Variants in RBM47 observed in about 807,000 individuals in gnomAD.
RBM47 encodes RNA binding motif protein 47, also known as RNA-binding protein 47.
Under a neutral mutation model 47.1 loss-of-function variants are expected in RBM47, and 21 were observed. That is an observed-to-expected ratio of 0.45 (90% CI 0.32 to 0.64). RBM47 has a LOEUF of 0.64. RBM47 is among the 30% of genes least tolerant of loss of function. The pLI is 0.05. For missense variants in RBM47, 708 were observed against 870.9 expected, an observed-to-expected ratio of 0.81 and a Z score of 2.35; for synonymous variants, 375 against 361.7, an observed-to-expected ratio of 1.04 and a Z score of -0.42.
intron 1 of RBM47, among the ~76,000 whole-genome samples, chr4:40,566,270 T>C (rs1424200835): frequency 6.6e-6 from 1 of 152,144 alleles, no homozygotes; most frequent in Non-Finnish European, 1.5e-5. Flanking sequence ...TGGGTGCTCA[T>C]TCTCACAATA....
At chr4:40,511,721 C>T (rs779758021) in intron 2 of RBM47, among the ~76,000 whole-genome samples, 2 of 151,978 alleles carry the variant, frequency 1.3e-5, no homozygotes, top group African/African-American at 2.4e-5. Flanking sequence ...TTCGGGAGGC[C>T]GAGGTGGGCA....
At chr4:40,471,594 A>C (rs920954025) in intron 2 of RBM47, among the ~76,000 whole-genome samples, 21 of 151,758 alleles carry the variant, frequency 1.4e-4, no homozygotes, top group African/African-American at 5.1e-4. Context: ...CTACTCAGGA[A>C]GCTGAGACAG....
chr4:40,545,809 C>T (rs939037155), intron 1 of RBM47, among the ~76,000 whole-genome samples: 4 of 152,096 alleles, frequency 2.6e-5, no homozygotes, highest in African/African-American at 7.2e-5. Context: ...CTACTGCTTG[C>T]TAGCTGGTTG....
rs1212280609 is a variant in RBM47, at chr4:40,438,103, T to G, written c.791A>C (p.Lys264Thr). 1.2e-5 allele frequency: 20 copies of G among 1,613,632 alleles called. No homozygotes were observed. The highest frequency in any genetic ancestry group is 1.6e-5 in the Non-Finnish European group (19 of 1,180,022). Residue 264 changes from lysine to threonine, a missense_variant, in exon 4 of 7, where the codon AAG becomes ACG. Lys to Thr is a moderately conservative substitution (Grantham distance 78). Coordinates refer to ENST00000295971, the MANE Select transcript of RBM47 (RefSeq NM_001098634.2). ...MIETTEDTIK[K>T]SFGQFNPGCV... Reference sequence around the variant, plus strand: ...GCCGGGGTTGAACTGGCCGAAGCTCTTCTTGATGGTGTCCTCGGTGGTCTC... The same window carrying G: ...GCCGGGGTTGAACTGGCCGAAGCTCGTCTTGATGGTGTCCTCGGTGGTCTC...
At chr4:40,507,431 T>C (rs1724263154) in intron 2 of RBM47, among the ~76,000 whole-genome samples, 1 of 152,194 alleles carries the variant, frequency 6.6e-6, no homozygotes, top group Admixed American at 6.6e-5. Context: ...AAATGAAAGT[T>C]TTTGAATATA....
At chr4:40,505,731 CA>C (rs527797923) in intron 2 of RBM47, among the ~76,000 whole-genome samples, 59 of 143,196 alleles carry the variant, frequency 4.1e-4, no homozygotes, top group South Asian at 4.4e-4. Flanking sequence ...ACTAAAAATA[CA>C]AAAAAAAAAA....
At chr4:40,585,566 T>C (rs577267411) in intron 1 of RBM47, among the ~76,000 whole-genome samples, 75 of 152,354 alleles carry the variant, frequency 4.9e-4, no homozygotes, top group African/African-American at 1.7e-3. Flanking sequence ...ACTAGCAGCC[T>C]TGATTAGCCA....
At chr4:40,466,777 G>C (rs1052926424) in intron 2 of RBM47, 78 bp from the exon 3 acceptor site, 1 of 112,096 alleles carries the variant, frequency 8.9e-6, no homozygotes, top group African/African-American at 3.2e-5. Flanking sequence ...AAATTGGGGG[G>C]GGGGGGGCAG....
chr4:40,588,042 G>C (rs1733762645), intron 1 of RBM47, among the ~76,000 whole-genome samples: 1 of 152,108 alleles, frequency 6.6e-6, no homozygotes, highest in South Asian at 2.1e-4. Flanking sequence ...CCAGTTCATG[G>C]GGCCCTGCAA....
At chr4:40,571,164 C>T (rs1731664828) in intron 1 of RBM47, among the ~76,000 whole-genome samples, 1 of 151,698 alleles carries the variant, frequency 6.6e-6, no homozygotes, top group South Asian at 2.1e-4. Flanking sequence ...TGCAGTGAGC[C>T]GAGATTGCAT....
intron 2 of RBM47, among the ~76,000 whole-genome samples, chr4:40,532,733 T>A (rs1257169421): frequency 1.3e-5 from 2 of 151,834 alleles, no homozygotes; most frequent in Non-Finnish European, 2.9e-5. Context: ...GGAGTCTAAT[T>A]AAAGGTCAGA....
chr4:40,611,876 A>T (rs980933108), intron 1 of RBM47, among the ~76,000 whole-genome samples: 2 of 152,250 alleles, frequency 1.3e-5, no homozygotes, highest in African/African-American at 4.8e-5. Context: ...TATCCAAGAT[A>T]TCATTGATTA....
chr4:40,615,925 C>T (rs1736677402), intron 1 of RBM47, among the ~76,000 whole-genome samples: 1 of 152,206 alleles, frequency 6.6e-6, no homozygotes, highest in Non-Finnish European at 1.5e-5. Flanking sequence ...CTCATGGGCT[C>T]CACTGGTGTT....
chr4:40,449,803 G>A (rs575668323), intron 3 of RBM47, among the ~76,000 whole-genome samples: 13 of 152,142 alleles, frequency 8.5e-5, no homozygotes, highest in Admixed American at 6.6e-4. Flanking sequence ...CTCAGCCTCC[G>A]GAGTAGTTAG....
In RBM47 at chr4:40,462,727, C is replaced by T. The variant is rs142616886; in HGVS notation, c.-32+3850G>A. ...TTAACTGCTTGATACAGGCTTTCAC[C>T]GAGATTTGGTGGGAATCAAAAGTAC... On this transcript the variant is annotated intron_variant, in intron 3 of 6. Coordinates refer to ENST00000295971, the MANE Select transcript of RBM47 (RefSeq NM_001098634.2). Among the ~76,000 whole-genome samples, 424 of 152,042 alleles carry T rather than the reference C, an allele frequency of 2.8e-3. 5 individuals carry two copies. The highest frequency in any genetic ancestry group is 0.025 in the Admixed American group (381 of 15,260).
chr4:40,588,262 A>C (rs767484938), intron 1 of RBM47, among the ~76,000 whole-genome samples: 12 of 152,342 alleles, frequency 7.9e-5, no homozygotes, highest in Admixed American at 1.3e-4. Flanking sequence ...TTTGGGGGGA[A>C]CATTCCAGCT....
intron 6 of RBM47, among the ~76,000 whole-genome samples, chr4:40,426,491 A>T (rs950393742): frequency 4.6e-5 from 7 of 152,268 alleles, no homozygotes; most frequent in Non-Finnish European, 7.4e-5. Context: ...TCCCTGAGAG[A>T]AAATGGCGTA....
chr4:40,482,517 G>A (rs1253110436), intron 2 of RBM47, among the ~76,000 whole-genome samples: 1 of 152,066 alleles, frequency 6.6e-6, no homozygotes, highest in Non-Finnish European at 1.5e-5. Context: ...GCTTTCCAAA[G>A]TGCCGGGATT....
chr4:40,620,051 G>T (rs1182309287), intron 1 of RBM47, among the ~76,000 whole-genome samples: 1 of 151,554 alleles, frequency 6.6e-6, no homozygotes. Context: ...ACAAAAATTT[G>T]CCAGGCCTCA....
Sources: allele counts gnomAD v4.1 joint callset (sites outside exome capture counted in the v4.1 genomes callset), GRCh38; gene constraint gnomAD v4.1.1; transcripts MANE v1.5; gene names NCBI Gene and HGNC (gene_info 2026-07-23, HGNC 2026-07-21).